The following IGFBP7 variants were observed in gnomAD, a reference collection of about 807,000 sequenced individuals.
The protein encoded by IGFBP7 is insulin like growth factor binding protein 7.
Under a neutral mutation model 29.4 loss-of-function variants are expected in IGFBP7, and 31 were observed. The ratio of observed to expected loss-of-function variants is 1.05; its 90% CI spans 0.79 to 1.42. The LOEUF (loss-of-function observed/expected upper bound fraction) is 1.42. Among genes scored for constraint, IGFBP7 ranks in the 40% most tolerant of loss-of-function variants. The pLI, the probability that IGFBP7 is intolerant of heterozygous loss-of-function variation, is 0.00. For synonymous variants in IGFBP7, 172 were observed against 174.9 expected (o/e 0.98, Z 0.13); for missense variants, 393 against 395.5 (o/e 0.99, Z 0.05).
rs546853029 is a variant in IGFBP7, at chr4:57,039,786, A to T, written c.585+1038T>A. Among the ~76,000 whole-genome samples, 103 of 136,754 alleles carry T rather than the reference A, an allele frequency of 7.5e-4. 2 individuals are homozygous for T. The highest frequency in any genetic ancestry group is 2.5e-3 in the African/African-American group (92 of 37,020). The allele number at this position is 136,754 out of a possible 152,430, so 89.7% of individuals were successfully genotyped here. ...GCCACAGGCATGCCTCACCATGCCC[A>T]GCTAATTAAAAAAATTATTTGTAAG... is the stretch of plus-strand genomic sequence containing the variant. On this transcript the variant is annotated intron_variant, in intron 2 of 4. Transcript: ENST00000295666.
At chr4:57,037,699 G>A (rs899035931) in intron 2 of IGFBP7, among the ~76,000 whole-genome samples, 3 of 152,148 alleles carry the variant, frequency 2.0e-5, no homozygotes, top group Non-Finnish European at 4.4e-5. Context: ...GGTAGAGCAA[G>A]GACTGAAGAA....
At chr4:57,076,827 C>T (rs370596252) in intron 1 of IGFBP7, among the ~76,000 whole-genome samples, 16 of 152,242 alleles carry the variant, frequency 1.1e-4, no homozygotes, top group African/African-American at 2.2e-4. Flanking sequence ...GTCAAGGTAA[C>T]GAAGGTCTGT....
At chr4:57,036,163 A>T (rs1167413021) in intron 2 of IGFBP7, among the ~76,000 whole-genome samples, 1 of 152,238 alleles carries the variant, frequency 6.6e-6, no homozygotes, top group Admixed American at 6.5e-5. Flanking sequence ...TTGTTGAGAA[A>T]AGCGAGTTTC....
In IGFBP7 at chr4:57,073,251, A is replaced by G. The variant is rs1725108794; in HGVS notation, c.476-32318T>C. 6.6e-6 allele frequency: 4 copies of G among 605,804 alleles called. No homozygotes were observed. The South Asian group carries it at 9.0e-5, about 14-fold the overall frequency. 37.5% of individuals were successfully genotyped at this position (605,804 alleles called of 1,614,324 possible). A position where few individuals can be genotyped will look rare whatever the true frequency, so the allele number is the denominator to read the frequency against. On this transcript the variant is annotated intron_variant, in intron 1 of 4. Transcript: ENST00000295666. ...GAGCTGTGGTATTATTATTATTATT[A>G]TTATTAGTCTTTTAAGCCTCCAGTT...
At chr4:57,097,480 A>G (rs1456972996) in intron 1 of IGFBP7, among the ~76,000 whole-genome samples, 1 of 152,208 alleles carries the variant, frequency 6.6e-6, no homozygotes, top group Admixed American at 6.5e-5. Flanking sequence ...CTAACCTGGG[A>G]ACACATGAGG....
intron 1 of IGFBP7, among the ~76,000 whole-genome samples, chr4:57,062,148 C>T (rs1170315172): frequency 6.6e-6 from 1 of 152,130 alleles, no homozygotes; most frequent in African/African-American, 2.4e-5. Context: ...AAACCCAGGG[C>T]CTCCCCGATG....
chr4:57,070,755 A>G (rs1725034108), intron 1 of IGFBP7, among the ~76,000 whole-genome samples: 1 of 152,352 alleles, frequency 6.6e-6, no homozygotes, highest in East Asian at 1.9e-4. Flanking sequence ...AAGACAACAC[A>G]AGCCAGCTCA....
In IGFBP7 at chr4:57,110,058, G is replaced by T. The variant is rs773376876; in HGVS notation, c.294C>A (p.Ala98=). Residue 98 remains alanine (A), a synonymous_variant, in exon 1 of 5, where the codon GCC becomes GCA. Transcript: ENST00000295666. The stretch of plus-strand genomic sequence containing the variant: ...CACCCGGACCGCCGGCTGCTGCCCC[G>T]GCTTTACCCTTCCGCCTCTTGCGGC... ...VKSRKRRKGK[A]GAAAGGPGVS... is the part of the protein sequence containing the mutation. 4 of 1,561,710 alleles carry T rather than the reference G, an allele frequency of 2.6e-6. No individual in the cohort carries two copies. Among genetic ancestry groups the T allele is most frequent in the Non-Finnish European group, 3.4e-6 (4 of 1,159,960 alleles).
Position 57,032,426 on chromosome 4 carries a change from C to A in IGFBP7, c.829G>T (p.Gly277Cys). ...DALHEIPVKK[G>C]EGAEL ...AATGGCTGTGAGATTTATTGTGTAC[C>A]TTTTTTCACTGGTATTTCATGTAAG... Residue 277 changes from glycine to cysteine, a missense_variant and splice_region_variant, in exon 4 of 5, where the codon GGT becomes TGT. Gly to Cys is a radical substitution (Grantham distance 159). Coordinates refer to ENST00000295666, the MANE Select transcript of IGFBP7 (RefSeq NM_001553.3). 27 of 1,613,606 alleles carry A rather than the reference C, an allele frequency of 1.7e-5. No individual in the cohort carries two copies. The highest frequency in any genetic ancestry group is 2.3e-5 in the Non-Finnish European group (27 of 1,179,676).
chr4:57,084,794 T>TG (rs1224223059), intron 1 of IGFBP7, among the ~76,000 whole-genome samples: 1 of 147,022 alleles, frequency 6.8e-6, no homozygotes, highest in Non-Finnish European at 1.5e-5. Flanking sequence ...AAAGGTTTTT[T>TG]TTTTTTTTTT....
intron 1 of IGFBP7, among the ~76,000 whole-genome samples, chr4:57,077,144 G>T (rs1401349282): frequency 6.6e-6 from 1 of 152,114 alleles, no homozygotes; most frequent in Non-Finnish European, 1.5e-5. Flanking sequence ...ACAAAATATG[G>T]TGCTCTGCGT....
At chr4:57,057,003 T>C (rs1282130991) in intron 1 of IGFBP7, among the ~76,000 whole-genome samples, 2 of 151,998 alleles carry the variant, frequency 1.3e-5, no homozygotes, top group African/African-American at 4.8e-5. Context: ...ATTTCTATAG[T>C]AGATTTTTTT....
intron 1 of IGFBP7, among the ~76,000 whole-genome samples, chr4:57,065,233 CA>C (rs1435340651): frequency 6.6e-6 from 1 of 152,156 alleles, no homozygotes; most frequent in East Asian, 1.9e-4. Context: ...GACAGAAAAA[CA>C]AAGGAAAAAA....
At chr4:57,074,571 G>A (rs546424529) in intron 1 of IGFBP7, among the ~76,000 whole-genome samples, 4 of 152,264 alleles carry the variant, frequency 2.6e-5, no homozygotes, top group South Asian at 2.1e-4. Context: ...AGGGGCTTAC[G>A]TCACTTTTGC....
At chr4:57,103,863 G>A (rs559019991) in intron 1 of IGFBP7, among the ~76,000 whole-genome samples, 25 of 151,516 alleles carry the variant, frequency 1.6e-4, no homozygotes, top group African/African-American at 5.8e-4. Context: ...GTCTCACTAT[G>A]TTGCCCAGGC....
At chr4:57,087,154 AG>A (rs574303288) in intron 1 of IGFBP7, among the ~76,000 whole-genome samples, 19 of 152,244 alleles carry the variant, frequency 1.2e-4, no homozygotes, top group Non-Finnish European at 2.4e-4. Flanking sequence ...CCACAGCACC[AG>A]GATGGCACCT....
chr4:57,042,537 A>T (rs1245848679), intron 1 of IGFBP7, among the ~76,000 whole-genome samples: 1 of 152,158 alleles, frequency 6.6e-6, no homozygotes, highest in Non-Finnish European at 1.5e-5. Flanking sequence ...CAGTAGAAAC[A>T]GCATTTTGCC....
chr4:57,062,831 G>C (rs759548339), intron 1 of IGFBP7, among the ~76,000 whole-genome samples: 33 of 151,962 alleles, frequency 2.2e-4, no homozygotes, highest in Non-Finnish European at 4.6e-4. Flanking sequence ...CCTTCTATTA[G>C]AGAAAATGTT....
chr4:57,100,808 CA>C (rs1725880457), intron 1 of IGFBP7, among the ~76,000 whole-genome samples: 1 of 152,240 alleles, frequency 6.6e-6, no homozygotes. Flanking sequence ...TGCTGGTCTA[CA>C]TACCACACTT....
Sources: allele counts gnomAD v4.1 joint callset (sites outside exome capture counted in the v4.1 genomes callset), GRCh38; gene constraint gnomAD v4.1.1; transcripts MANE v1.5; gene names NCBI Gene and HGNC (gene_info 2026-07-23, HGNC 2026-07-21).